ALMS1: variants seen among roughly 807,000 people sequenced by gnomAD.
ALMS1 encodes the protein ALMS1 centrosome and basal body associated protein, also known as centrosome-associated protein ALMS1.
A neutral mutation model predicts 352.2 loss-of-function variants in ALMS1; 271 were observed. The observed-to-expected ratio is 0.77, with a 90% CI of 0.70 to 0.85. The LOEUF is 0.85. Ranked by LOEUF, ALMS1 falls within the 40% of genes least tolerant of loss-of-function variation. ALMS1 has a pLI of 0.00. For missense variants in ALMS1, 5,445 were observed against 4,870.7 expected (o/e 1.12, Z -3.51); for synonymous variants, 1,865 against 1,761.2 (o/e 1.06, Z -1.48).
intron 7 of ALMS1, among the ~76,000 whole-genome samples, chr2:73,437,254 C>A (rs1036141354): frequency 6.6e-6 from 1 of 152,180 alleles, no homozygotes; most frequent in Non-Finnish European, 1.5e-5. Context: ...TATCTGGGGG[C>A]AGGTTCATTG....
chr2:73,409,200 T>C (rs188115906), intron 2 of ALMS1, among the ~76,000 whole-genome samples: 1 of 152,316 alleles, frequency 6.6e-6, no homozygotes, highest in Admixed American at 6.5e-5. Context: ...TCTAATAGAT[T>C]GTTGTAAACT....
chr2:73,513,933 A>G (rs1673503585), intron 10 of ALMS1, among the ~76,000 whole-genome samples: 1 of 152,132 alleles, frequency 6.6e-6, no homozygotes, highest in African/African-American at 2.4e-5. Flanking sequence ...TTTGCTACAG[A>G]TTCCCGCCTT....
chr2:73,488,497 A>T (rs1259250419), intron 9 of ALMS1, among the ~76,000 whole-genome samples: 2 of 152,098 alleles, frequency 1.3e-5, no homozygotes, highest in African/African-American at 4.8e-5. Flanking sequence ...GCCTGGGTCT[A>T]CAGCTGTGAC....
At chr2:73,397,821 A>G in intron 1 of ALMS1, among the ~76,000 whole-genome samples, 1 of 152,186 alleles carries the variant, frequency 6.6e-6, no homozygotes, top group East Asian at 1.9e-4. Context: ...AATGGGCAAT[A>G]CAGAGTTCCC....
chr2:73,503,903 C>T (rs896623951), intron 10 of ALMS1, among the ~76,000 whole-genome samples: 1 of 152,092 alleles, frequency 6.6e-6, no homozygotes, highest in African/African-American at 2.4e-5. Flanking sequence ...ACTCTTTTCC[C>T]TTTTGTAATT....
At chr2:73,503,247 C>T (rs1056262071) in intron 10 of ALMS1, among the ~76,000 whole-genome samples, 2 of 152,016 alleles carry the variant, frequency 1.3e-5, no homozygotes. Flanking sequence ...ATCCCTCCCC[C>T]CTTCCCCGAC....
rs764410649 is a variant in ALMS1, at chr2:73,519,991, G to A, written c.9756G>A (p.Gln3252=). ...TTGCCTCATCATCTTCAGTCCAACA[G>A]GTTACTTTTTCTCGCGGCACAGATG... ...VKFASSSSVQ[Q]VTFSRGTDGQ... is the part of the protein sequence containing the mutation. The change falls in exon 11 of 23, where the codon CAG becomes CAA. Residue 3252 remains glutamine, a synonymous_variant. Transcript: ENST00000613296. 25 of 1,613,982 alleles carry A rather than the reference G, an allele frequency of 1.5e-5. No individual in the cohort carries two copies.
intron 2 of ALMS1, among the ~76,000 whole-genome samples, chr2:73,409,007 G>A (rs1002822151): frequency 8.6e-5 from 13 of 150,602 alleles, no homozygotes; most frequent in Admixed American, 2.0e-4. Context: ...TGAGTAGCTG[G>A]GACTACAGAC....
intron 16 of ALMS1, among the ~76,000 whole-genome samples, chr2:73,598,631 T>A (rs1311762560): frequency 6.6e-6 from 1 of 152,120 alleles, no homozygotes; most frequent in African/African-American, 2.4e-5. Context: ...AGTAGAAAAT[T>A]CCCTAACATT....
intron 7 of ALMS1, among the ~76,000 whole-genome samples, chr2:73,437,821 G>T (rs1223262620): frequency 6.6e-6 from 1 of 152,052 alleles, no homozygotes; most frequent in African/African-American, 2.4e-5. Context: ...CAGTGGAGAG[G>T]CTTCCTACAC....
chr2:73,439,521 G>C (rs1313535512), intron 7 of ALMS1, among the ~76,000 whole-genome samples: 1 of 152,054 alleles, frequency 6.6e-6, no homozygotes, highest in African/African-American at 2.4e-5. Context: ...AATCCTGTCT[G>C]CTAATATCTG....
chr2:73,414,485 T>TG (rs70965734), intron 2 of ALMS1, among the ~76,000 whole-genome samples: 1 of 59,786 alleles, frequency 1.7e-5, no homozygotes, highest in African/African-American at 3.8e-5. Flanking sequence ...TTTTTTTTTT[T>TG]TTTGTTTTTT....
intron 10 of ALMS1, among the ~76,000 whole-genome samples, chr2:73,496,711 G>A (rs1483897205): frequency 6.6e-6 from 1 of 152,140 alleles, no homozygotes; most frequent in African/African-American, 2.4e-5. Context: ...CAATGGGTGA[G>A]CATTCTAGTT....
At chr2:73,575,295 A>G (rs1480658312) in intron 16 of ALMS1, among the ~76,000 whole-genome samples, 1 of 152,076 alleles carries the variant, frequency 6.6e-6, no homozygotes, top group Non-Finnish European at 1.5e-5. Flanking sequence ...CCATATGGTA[A>G]TTCTGTGGAT....
At chr2:73,395,720 G>A (rs1245075859) in intron 1 of ALMS1, among the ~76,000 whole-genome samples, 2 of 152,082 alleles carry the variant, frequency 1.3e-5, no homozygotes, top group African/African-American at 4.8e-5. Context: ...TAAAGATCAT[G>A]TCAAGGGCAA....
intron 9 of ALMS1, among the ~76,000 whole-genome samples, chr2:73,468,238 T>G (rs1041946691): frequency 8.6e-5 from 13 of 151,910 alleles, no homozygotes; most frequent in African/African-American, 3.1e-4. Context: ...TATTGGAGAA[T>G]AGTAAAATTT....
chr2:73,504,867 T>G (rs1163119202), intron 10 of ALMS1, among the ~76,000 whole-genome samples: 1 of 152,142 alleles, frequency 6.6e-6, no homozygotes, highest in African/African-American at 2.4e-5. Flanking sequence ...TCTCCTAATG[T>G]TATCTCTCCC....
Position 73,449,076 on chromosome 2 carries a change from C to T in ALMS1, c.2549C>T (p.Thr850Ile), listed in dbSNP as rs1383388654. The T allele has an allele frequency of 6.2e-7, 1 of 1,614,078 alleles. No individual in the cohort carries two copies. The highest frequency in any genetic ancestry group is 8.5e-7 in the Non-Finnish European group (1 of 1,179,978). The change falls in exon 8 of 23, where the codon ACA (threonine) becomes ATA (isoleucine). Residue 850 changes from threonine to isoleucine, a missense_variant. Coordinates refer to ENST00000613296, the MANE Select transcript of ALMS1 (RefSeq NM_001378454.1). ...GGACCAGCTGACGGAAAGACTGGGA[C>T]ACCAGCTGTAACCTCTACTTCCTCT... ...VSGPADGKTGTPAVTSTSSAS... is the reference protein window; with the variant it reads ...VSGPADGKTGIPAVTSTSSAS...
chr2:73,592,510 GT>G (rs1378848857), intron 16 of ALMS1, among the ~76,000 whole-genome samples: 2 of 152,170 alleles, frequency 1.3e-5, no homozygotes, highest in African/African-American at 2.4e-5. Flanking sequence ...GACTCTGACT[GT>G]TTTATCAATG....
Sources: allele counts gnomAD v4.1 joint callset (sites outside exome capture counted in the v4.1 genomes callset), GRCh38; gene constraint gnomAD v4.1.1; transcripts MANE v1.5; gene names NCBI Gene and HGNC (gene_info 2026-07-23, HGNC 2026-07-21).